Variants in NRXN1 observed in about 807,000 individuals in gnomAD.
NRXN1 encodes the protein neurexin-1.
Under a neutral mutation model 150.9 loss-of-function variants are expected in NRXN1, and 39 were observed. The ratio of observed to expected loss-of-function variants is 0.26; its 90% CI spans 0.20 to 0.34. The LOEUF (loss-of-function observed/expected upper bound fraction) is 0.34, where lower values mean the gene tolerates loss of function less well. Among genes scored for constraint, NRXN1 ranks in the 10% least tolerant of loss-of-function variants. The pLI, the probability that NRXN1 is intolerant of heterozygous loss-of-function variation, is 1.00. For synonymous variants in NRXN1, 924 were observed against 757.0 expected (o/e 1.22, Z -3.62); for missense variants, 1,815 against 1,949.9 (o/e 0.93, Z 1.30).
chr2:50,806,751 T>C (rs1667566373), intron 5 of NRXN1, among the ~76,000 whole-genome samples: 3 of 152,278 alleles, frequency 2.0e-5, no homozygotes, highest in Middle Eastern at 3.4e-3. Context: ...CTCTCTCTTA[T>C]TGAGCTACCT....
intron 8 of NRXN1, among the ~76,000 whole-genome samples, chr2:50,553,831 T>C (rs1667856501): frequency 6.6e-6 from 1 of 152,204 alleles, no homozygotes; most frequent in Non-Finnish European, 1.5e-5. Context: ...TTACTGATGG[T>C]CCTAAGGCTT....
chr2:50,756,653 G>A (rs1449599281), intron 5 of NRXN1, among the ~76,000 whole-genome samples: 1 of 151,754 alleles, frequency 6.6e-6, no homozygotes. Context: ...AATAGTAAAA[G>A]AGTAAGTATA....
At chr2:50,016,564 C>T (rs538121039) in intron 21 of NRXN1, 1 of 152,176 alleles carries the variant, frequency 6.6e-6, no homozygotes, top group African/African-American at 2.4e-5. Flanking sequence ...CAAACACATC[C>T]TTCTTAACAT....
chr2:49,944,499 C>G (rs916818038), intron 21 of NRXN1, among the ~76,000 whole-genome samples: 13 of 152,124 alleles, frequency 8.5e-5, no homozygotes, highest in Non-Finnish European at 1.9e-4. Flanking sequence ...GCAGTTTTCT[C>G]TGTGACATTC....
chr2:50,421,967 T>C (rs1329162511), intron 17 of NRXN1, among the ~76,000 whole-genome samples: 1 of 152,158 alleles, frequency 6.6e-6, no homozygotes, highest in Admixed American at 6.6e-5. Context: ...ACTTCTCCCA[T>C]CTGAGCCCTT....
intron 5 of NRXN1, among the ~76,000 whole-genome samples, chr2:50,723,554 C>T (rs988817990): frequency 2.6e-5 from 4 of 152,194 alleles, no homozygotes; most frequent in African/African-American, 9.7e-5. Flanking sequence ...GTGAAGAAGG[C>T]TTTCAATGCC....
At chr2:50,784,692 T>C (rs965140346) in intron 5 of NRXN1, among the ~76,000 whole-genome samples, 1 of 151,986 alleles carries the variant, frequency 6.6e-6, no homozygotes, top group Non-Finnish European at 1.5e-5. Context: ...CAGTTTGCCA[T>C]TGAGGCAAGC....
chr2:50,598,747 T>C (rs144017205), intron 8 of NRXN1, among the ~76,000 whole-genome samples: 2,301 of 148,268 alleles, frequency 0.016, 47 homozygotes, highest in African/African-American at 0.049. Context: ...TATATATATA[T>C]ATTTTATTTT....
intron 5 of NRXN1, among the ~76,000 whole-genome samples, chr2:50,663,011 A>G (rs1687517755): frequency 6.6e-6 from 1 of 152,066 alleles, no homozygotes; most frequent in African/African-American, 2.4e-5. Context: ...CTGATAAATC[A>G]TTAGGATGCA....
At chr2:50,793,629 G>A (rs72889425) in intron 5 of NRXN1, among the ~76,000 whole-genome samples, 4,163 of 152,188 alleles carry the variant, frequency 0.027, 214 homozygotes, top group African/African-American at 0.095. Flanking sequence ...GAAAGAGGCA[G>A]CTGAAGAGAT....
chr2:50,808,311 A>G (rs987544876), intron 5 of NRXN1, among the ~76,000 whole-genome samples: 1 of 152,166 alleles, frequency 6.6e-6, no homozygotes, highest in Non-Finnish European at 1.5e-5. Context: ...CTTAACTTTC[A>G]TAAGCCATGT....
chr2:50,606,999 G>A (rs12477674), intron 8 of NRXN1, among the ~76,000 whole-genome samples: 43,087 of 151,916 alleles, frequency 0.28, 6,245 homozygotes, highest in East Asian at 0.37. Flanking sequence ...CAGTAGGGGT[G>A]GTGGTGGTAT....
intron 21 of NRXN1, among the ~76,000 whole-genome samples, chr2:50,049,812 C>A (rs954320577): frequency 3.3e-5 from 5 of 152,058 alleles, no homozygotes; most frequent in Non-Finnish European, 7.4e-5. Flanking sequence ...TTGCATGATA[C>A]TCCTGCCACA....
chr2:50,616,736 C>T (rs1355012805), intron 8 of NRXN1, among the ~76,000 whole-genome samples: 1 of 152,122 alleles, frequency 6.6e-6, no homozygotes, highest in Non-Finnish European at 1.5e-5. Flanking sequence ...CATTCTAACA[C>T]TCCAAAATTT....
intron 17 of NRXN1, among the ~76,000 whole-genome samples, chr2:50,441,328 TTCC>T (rs1029868989): frequency 1.8e-4 from 27 of 152,180 alleles, no homozygotes; most frequent in Admixed American, 3.3e-4. Context: ...TCACTTCTTC[TTCC>T]TCTTTTTAAA....
intron 20 of NRXN1, 86 bp from the exon 21 acceptor site, chr2:50,053,676 G>T: frequency 1.5e-6 from 2 of 1,344,580 alleles, no homozygotes; most frequent in Non-Finnish European, 2.1e-6. Context: ...CTTTTATGGG[G>T]TGAATAATGA....
At chr2:50,715,313 C>T (rs1445319857) in intron 5 of NRXN1, among the ~76,000 whole-genome samples, 1 of 152,068 alleles carries the variant, frequency 6.6e-6, no homozygotes. Context: ...TCCCTGGATC[C>T]ACATCTGTAT....
intron 17 of NRXN1, among the ~76,000 whole-genome samples, chr2:50,424,324 G>A (rs2084299935): frequency 7.4e-6 from 1 of 135,940 alleles, no homozygotes; most frequent in Admixed American, 7.3e-5. Flanking sequence ...AGGAGGAGGA[G>A]GAGGAGGGGG....
At chr2:50,444,065 T>G (rs2104471092) in intron 17 of NRXN1, among the ~76,000 whole-genome samples, 1 of 152,274 alleles carries the variant, frequency 6.6e-6, no homozygotes, top group Non-Finnish European at 1.5e-5. Flanking sequence ...GATTTTTCAC[T>G]TCCTCCTTCA....
Sources: gnomAD v4.1 joint callset for allele counts (sites outside exome capture counted in the v4.1 genomes callset) on GRCh38, gnomAD v4.1.1 for gene constraint, MANE v1.5 for transcripts, NCBI Gene and HGNC (gene_info 2026-07-23, HGNC 2026-07-21) for gene names.